Variants in LARP4B observed in about 807,000 individuals in gnomAD.
LARP4B encodes La ribonucleoprotein 4B, also known as la-related protein 4B.
In LARP4B, 12 loss-of-function variants were observed where a neutral mutation model predicts 89.8. The observed-to-expected ratio is 0.13, with a 90% CI of 0.09 to 0.22. The LOEUF (loss-of-function observed/expected upper bound fraction) is 0.22. LARP4B is among the 10% of genes least tolerant of loss of function. The pLI, the probability that LARP4B is intolerant of heterozygous loss-of-function variation, is 1.00. For synonymous variants in LARP4B, 367 were observed against 363.3 expected (o/e 1.01, Z -0.12); for missense variants, 757 against 947.7 (o/e 0.80, Z 2.64).
At chr10:856,307 C>T (rs899120627) in intron 5 of LARP4B, among the ~76,000 whole-genome samples, 1 of 152,158 alleles carries the variant, frequency 6.6e-6, no homozygotes, top group Non-Finnish European at 1.5e-5. Context: ...AATGCACAAA[C>T]AGGCACAACA....
intron 8 of LARP4B, among the ~76,000 whole-genome samples, chr10:833,265 A>AAC (rs1833008537): frequency 6.8e-6 from 1 of 147,308 alleles, no homozygotes; most frequent in African/African-American, 2.5e-5. Context: ...AAAAAAAAAA[A>AAC]AAAAAAAAAA....
intron 1 of LARP4B, among the ~76,000 whole-genome samples, chr10:907,658 A>G (rs1836529964): frequency 6.6e-6 from 1 of 152,170 alleles, no homozygotes; most frequent in Non-Finnish European, 1.5e-5. Flanking sequence ...TTTTCCTCCC[A>G]TTTCATGGCA....
chr10:865,555 C>T (rs538648608), intron 3 of LARP4B, among the ~76,000 whole-genome samples: 4 of 152,248 alleles, frequency 2.6e-5, no homozygotes, highest in Admixed American at 1.3e-4. Context: ...TCTTCCCGTC[C>T]GTCTGTCCAG....
chr10:975,594 T>A, the LARP4B span, among the ~76,000 whole-genome samples: 1 of 152,238 alleles, frequency 6.6e-6, no homozygotes, highest in Non-Finnish European at 1.5e-5. Flanking sequence ...ATCGTCTGAA[T>A]GCACACAGGT....
At chr10:854,789 A>G (rs1025106874) in intron 5 of LARP4B, among the ~76,000 whole-genome samples, 7 of 152,208 alleles carry the variant, frequency 4.6e-5, no homozygotes, top group African/African-American at 1.7e-4. Flanking sequence ...ATTAGCCCCA[A>G]CAAGAGAGTT....
intron 3 of LARP4B, among the ~76,000 whole-genome samples, chr10:864,728 C>A (rs191092072): frequency 6.6e-6 from 1 of 152,140 alleles, no homozygotes; most frequent in Non-Finnish European, 1.5e-5. Context: ...CCAAGGCGGG[C>A]GGATCACCTG....
At chr10:830,750 T>C (rs1832861109) in intron 9 of LARP4B, 117 bp downstream of exon 9, 1 of 596,964 alleles carries the variant, frequency 1.7e-6, no homozygotes, top group Non-Finnish European at 3.0e-6. Context: ...CCTCTGCAGA[T>C]TATATTCAAA....
At chr10:851,731 T>G (rs1192145513) in intron 5 of LARP4B, among the ~76,000 whole-genome samples, 1 of 152,086 alleles carries the variant, frequency 6.6e-6, no homozygotes, top group Non-Finnish European at 1.5e-5. Flanking sequence ...AGTAGCACTA[T>G]GAAAAAATAA....
At chr10:857,714 T>G (rs1834381545) in intron 5 of LARP4B, among the ~76,000 whole-genome samples, 1 of 152,212 alleles carries the variant, frequency 6.6e-6, no homozygotes, top group Admixed American at 6.5e-5. Context: ...GGTTAGTCTG[T>G]GTCAACAAGA....
rs546851305 is a variant in LARP4B at position 914,621 on chromosome 10, C to T, written c.-40+16807G>A. Among the ~76,000 whole-genome samples the T allele has an allele frequency of 1.5e-3, 225 of 151,966 alleles. 1 individual carries two copies. The highest frequency in any genetic ancestry group is 5.2e-3 in the African/African-American group (217 of 41,474). ...ACCAACCTGACCAACATGGTGAAAC[C>T]CCATCTCTACTAAAAACACAAAAAT... On this transcript the variant is annotated intron_variant, in intron 1 of 17. Coordinates refer to ENST00000316157, the MANE Select transcript of LARP4B (RefSeq NM_015155.3).
intron 1 of LARP4B, among the ~76,000 whole-genome samples, chr10:900,618 CTTT>C (rs907868624): frequency 1.2e-4 from 14 of 118,958 alleles, no homozygotes; most frequent in African/African-American, 1.3e-4. Flanking sequence ...GATATATTTC[CTTT>C]TTTTTTTTTT....
chr10:979,176 C>T, the LARP4B span, among the ~76,000 whole-genome samples: 1 of 152,170 alleles, frequency 6.6e-6, no homozygotes, highest in Non-Finnish European at 1.5e-5. Context: ...CCATTGCCTC[C>T]TTCCCTTGCT....
the LARP4B span, among the ~76,000 whole-genome samples, chr10:955,985 G>T: frequency 1.3e-5 from 2 of 151,736 alleles, no homozygotes; most frequent in Non-Finnish European, 2.9e-5. The surrounding 1 kb of genome is among the most constrained non-coding windows in gnomAD (Gnocchi z 5.2). Flanking sequence ...GGCCCCTGCA[G>T]TTTGAGGCTC....
intron 5 of LARP4B, among the ~76,000 whole-genome samples, chr10:863,421 G>T (rs979469816): frequency 3.9e-4 from 59 of 152,058 alleles, no homozygotes; most frequent in Non-Finnish European, 7.1e-4. Context: ...AGTAGAGACG[G>T]GGTTTTACCG....
In LARP4B at chr10:815,010, C is replaced by A. The variant is rs977772497; in HGVS notation, c.1756G>T (p.Val586Leu). The change falls in exon 16 of 18, where the codon GTG becomes TTG. Residue 586 changes from valine (V) to leucine (L), a missense_variant. By Grantham distance (32) the Val-to-Leu change is conservative. Transcript: ENST00000316157. The stretch of plus-strand genomic sequence containing the variant: ...GCTGATACAGCACAAGAAGCCGGCA[C>A]CGAGGGCTCTCTGGAGACCACTACA... The part of the protein sequence containing the change: ...LPVVVSREPS[V>L]PASCAVSATY... The A allele has an allele frequency of 2.5e-6, 4 of 1,609,362 alleles. No homozygotes were observed. The African/African-American group carries it at 5.3e-5, about 21-fold the overall frequency.
At chr10:983,119 G>C in the LARP4B span, among the ~76,000 whole-genome samples, 3 of 152,224 alleles carry the variant, frequency 2.0e-5, no homozygotes, top group African/African-American at 7.2e-5. Flanking sequence ...ATTCGTTGTA[G>C]CATATTTGGA....
intron 1 of LARP4B, among the ~76,000 whole-genome samples, chr10:896,362 AC>A (rs1442347024): frequency 1.2e-4 from 19 of 152,356 alleles, no homozygotes; most frequent in African/African-American, 4.6e-4. Flanking sequence ...ATATGAAATG[AC>A]TACCAAAATA....
the LARP4B span, among the ~76,000 whole-genome samples, chr10:945,656 C>T: frequency 6.6e-6 from 1 of 151,136 alleles, no homozygotes; most frequent in Non-Finnish European, 1.5e-5. Context: ...CCACTGCACT[C>T]CAGCCTGGGC....
the LARP4B span, among the ~76,000 whole-genome samples, chr10:955,475 G>A: frequency 6.6e-5 from 10 of 152,190 alleles, no homozygotes; most frequent in Non-Finnish European, 1.5e-4. This position sits in a 1 kb window ranked among gnomAD's most constrained non-coding sequence, Gnocchi z 5.2. Context: ...CTGTTCTGTG[G>A]TTTTGGTGCC....
Sources: gnomAD v4.1 joint callset for allele counts (sites outside exome capture counted in the v4.1 genomes callset) on GRCh38, gnomAD v4.1.1 for gene constraint, Gnocchi (gnomAD v3.1) non-coding constraint, MANE v1.5 for transcripts, NCBI Gene and HGNC (gene_info 2026-07-23, HGNC 2026-07-21) for gene names.